Variants in ARFGEF1 observed in about 807,000 individuals in gnomAD.
The protein encoded by ARFGEF1 is brefeldin A-inhibited guanine nucleotide-exchange protein 1.
Under a neutral mutation model 231.0 loss-of-function variants are expected in ARFGEF1, and 42 were observed. The observed-to-expected ratio is 0.18, with a 90% confidence interval of 0.14 to 0.24. ARFGEF1 has a LOEUF of 0.24. Among genes scored for constraint, ARFGEF1 ranks in the 10% least tolerant of loss-of-function variants. The pLI, the probability that ARFGEF1 is intolerant of heterozygous loss-of-function variation, is 1.00. For synonymous variants in ARFGEF1, 710 were observed against 732.3 expected (o/e 0.97, Z 0.49); for missense variants, 1,345 against 2,192.0 (o/e 0.61, Z 7.72).
rs568734993 is a variant in ARFGEF1, at chr8:67,308,706, G to A, written c.125-6240C>T. On this transcript the variant is annotated intron_variant, in intron 1 of 38. Transcript: ENST00000262215. ...ATAAGGCACTTATTTATAAAGCACT[G>A]AGATTATTTGCTTACCTTTGATTCT... is the stretch of plus-strand genomic sequence containing the variant. Among the ~76,000 whole-genome samples the A allele has an allele frequency of 5.3e-5, 8 of 152,266 alleles. No individual in the cohort carries two copies. The South Asian group carries it at 1.4e-3, about 28-fold the overall frequency.
intron 19 of ARFGEF1, among the ~76,000 whole-genome samples, chr8:67,243,594 G>A (rs1027100211): frequency 2.6e-5 from 4 of 152,108 alleles, no homozygotes; most frequent in African/African-American, 9.7e-5. Flanking sequence ...TAGCCAAACC[G>A]TATCATCAAG....
At chr8:67,201,089 A>G (rs1375933005) in intron 37 of ARFGEF1, among the ~76,000 whole-genome samples, 1 of 152,256 alleles carries the variant, frequency 6.6e-6, no homozygotes, top group Non-Finnish European at 1.5e-5. Context: ...CTTAAAGTAA[A>G]AGAGTAAAAA....
downstream of ARFGEF1, chr8:67,175,467 T>C (rs555730971): frequency 1.9e-6 from 3 of 1,612,674 alleles, no homozygotes; most frequent in East Asian, 2.2e-5. Context: ...TGTCAAATAG[T>C]ATCAGCACGC....
At chr8:67,302,801 T>TC (rs1281784552) in intron 1 of ARFGEF1, among the ~76,000 whole-genome samples, 2 of 150,698 alleles carry the variant, frequency 1.3e-5, no homozygotes, top group African/African-American at 4.9e-5. Context: ...AGGGCCAAGT[T>TC]CAGTGGCTCA....
intron 7 of ARFGEF1, among the ~76,000 whole-genome samples, chr8:67,283,935 T>C (rs1248234589): frequency 6.6e-6 from 1 of 152,164 alleles, no homozygotes; most frequent in Non-Finnish European, 1.5e-5. Context: ...CTAACAGATA[T>C]TCATATTCAT....
At chr8:67,274,311 C>T (rs1805223393) in intron 9 of ARFGEF1, among the ~76,000 whole-genome samples, 1 of 147,758 alleles carries the variant, frequency 6.8e-6, no homozygotes, top group South Asian at 2.1e-4. Flanking sequence ...ACTACGAAAG[C>T]TTGACTTTTG....
chr8:67,173,544 A>C (rs150265315), downstream of ARFGEF1: 1 of 152,274 alleles, frequency 6.6e-6, no homozygotes, highest in East Asian at 1.9e-4. Flanking sequence ...TATTATAGCA[A>C]ATTTTCAAAA....
At chr8:67,341,244 C>G (rs1180118025) in intron 1 of ARFGEF1, among the ~76,000 whole-genome samples, 2 of 151,948 alleles carry the variant, frequency 1.3e-5, no homozygotes, top group Admixed American at 6.6e-5. Context: ...CAGTTTGATA[C>G]TTACAATTTA....
intron 29 of ARFGEF1, among the ~76,000 whole-genome samples, chr8:67,221,273 A>G (rs982941550): frequency 6.6e-6 from 1 of 152,230 alleles, no homozygotes; most frequent in Non-Finnish European, 1.5e-5. Context: ...AACAGCCTCA[A>G]GCAGGTCCTT....
At chr8:67,326,658 C>T (rs1029965930) in intron 1 of ARFGEF1, among the ~76,000 whole-genome samples, 1 of 152,166 alleles carries the variant, frequency 6.6e-6, no homozygotes, top group East Asian at 1.9e-4. Context: ...AGTAAGTCCT[C>T]ACTTAACATT....
In ARFGEF1 at chr8:67,257,831, G is replaced by T. The variant is rs560733562; in HGVS notation, c.2442-15C>A. The T allele has an allele frequency of 1.2e-4, 197 of 1,585,498 alleles. No individual in the cohort carries two copies. The highest frequency in any genetic ancestry group is 1.6e-4 in the Non-Finnish European group (184 of 1,164,666). ...AGAGAGTTTGTCTGGAAAAATAAAT[G>T]TATCATGTTATAAACTTCTACTGTT... On this transcript the variant is annotated splice_polypyrimidine_tract_variant and intron_variant, in intron 16 of 38. Transcript: ENST00000262215.
intron 30 of ARFGEF1, 63 bp from the exon 31 acceptor site, chr8:67,218,201 A>ATATATAT (rs1374468030): frequency 6.7e-5 from 12 of 180,444 alleles, no homozygotes; most frequent in African/African-American, 5.5e-4. Flanking sequence ...TAAAAAAAAA[A>ATATATAT]AAAAAAATAT....
At position 67,277,413 on chromosome 8, in the gene ARFGEF1, T is replaced by C. The variant is rs367687566; in HGVS notation, c.1072A>G (p.Ile358Val). ...TCACTACCATCCTCTATAGTTCCAA[T>C]GTTGCCATCTGCACTTGCATTTATA... Reference protein sequence around the residue: ...TTINASADGNIGTIEDGSDSE... With the variant: ...TTINASADGNVGTIEDGSDSE... The change falls in exon 8 of 39, where the codon ATT becomes GTT. Residue 358 changes from isoleucine (I) to valine (V), a missense_variant. Ile to Val is a conservative substitution (Grantham distance 29, BLOSUM62 3). Coordinates refer to ENST00000262215, the MANE Select transcript of ARFGEF1 (RefSeq NM_006421.5). The C allele has an allele frequency of 3.7e-6, 6 of 1,613,674 alleles. No individual in the cohort carries two copies. Among genetic ancestry groups the C allele is most frequent in the African/African-American group, 1.3e-5 (1 of 74,910 alleles).
intron 38 of ARFGEF1, 59 bp downstream of exon 38, chr8:67,200,337 C>T (rs771848028): frequency 1.8e-5 from 22 of 1,248,096 alleles, no homozygotes; most frequent in Non-Finnish European, 2.5e-5. Context: ...TCTGGGACCC[C>T]GCATCCCAAT....
At chr8:67,191,124 C>T (rs559048675) in intron 5 of ARFGEF1, among the ~76,000 whole-genome samples, 1 of 152,326 alleles carries the variant, frequency 6.6e-6, no homozygotes, top group Non-Finnish European at 1.5e-5. Flanking sequence ...ACCTTCATTT[C>T]GGTCAAATGA....
chr8:67,195,795 G>C (rs923782575), downstream of ARFGEF1: 2 of 535,462 alleles, frequency 3.7e-6, no homozygotes, highest in African/African-American at 3.8e-5. Flanking sequence ...GAATTGTATA[G>C]ATTATTTTTG....
intron 8 of ARFGEF1, among the ~76,000 whole-genome samples, 168 bp from the exon 9 acceptor site, chr8:67,276,277 C>T (rs961967124): frequency 2.0e-5 from 3 of 152,034 alleles, no homozygotes; most frequent in Non-Finnish European, 2.9e-5. Flanking sequence ...TTATACTCCA[C>T]GGACCACACC....
intron 29 of ARFGEF1, among the ~76,000 whole-genome samples, chr8:67,222,353 C>T (rs1162382185): frequency 6.7e-6 from 1 of 150,374 alleles, no homozygotes; most frequent in Non-Finnish European, 1.5e-5. Flanking sequence ...GCAACCTCCG[C>T]CTCCTGGGTT....
intron 5 of ARFGEF1, chr8:67,177,534 AG>A: frequency 5.2e-6 from 3 of 582,074 alleles, no homozygotes; most frequent in Non-Finnish European, 9.3e-6. Context: ...TTTTTTAATA[AG>A]TGATATCTTT....
Sources: gnomAD v4.1 joint callset for allele counts (sites outside exome capture counted in the v4.1 genomes callset) on GRCh38, gnomAD v4.1.1 for gene constraint, MANE v1.5 for transcripts, NCBI Gene and HGNC (gene_info 2026-07-23, HGNC 2026-07-21) for gene names.